The following MAGI2 variants were observed in gnomAD, a reference collection of about 807,000 sequenced individuals.
MAGI2 encodes the protein membrane-associated guanylate kinase, WW and PDZ domain-containing protein 2.
Under a neutral mutation model 133.3 loss-of-function variants are expected in MAGI2, and 35 were observed. The observed-to-expected ratio is 0.26, with a 90% CI of 0.20 to 0.35. MAGI2 has a LOEUF of 0.35. Ranked by LOEUF, MAGI2 falls within the 10% of genes least tolerant of loss-of-function variation. MAGI2 has a pLI of 1.00. For synonymous variants in MAGI2, 729 were observed against 710.6 expected (o/e 1.03, Z -0.41); for missense variants, 1,636 against 1,863.4 (o/e 0.88, Z 2.25).
chr7:78,672,743 T>C (rs1458465565), intron 2 of MAGI2, among the ~76,000 whole-genome samples: 2 of 152,212 alleles, frequency 1.3e-5, no homozygotes, highest in Non-Finnish European at 2.9e-5. Flanking sequence ...ATCCTGGGGC[T>C]GTTGAATCAG....
At chr7:79,015,539 C>G (rs1245127601) in intron 1 of MAGI2, among the ~76,000 whole-genome samples, 1 of 152,082 alleles carries the variant, frequency 6.6e-6, no homozygotes, top group Non-Finnish European at 1.5e-5. Flanking sequence ...AAATCTCATT[C>G]CAAACAACAG....
intron 1 of MAGI2, among the ~76,000 whole-genome samples, chr7:79,066,483 T>G (rs1044446347): frequency 6.6e-6 from 1 of 152,138 alleles, no homozygotes; most frequent in African/African-American, 2.4e-5. Flanking sequence ...TTCAGATGGA[T>G]AGATTGCAAA....
chr7:78,898,357 T>A (rs1797365628), intron 2 of MAGI2, among the ~76,000 whole-genome samples: 1 of 152,194 alleles, frequency 6.6e-6, no homozygotes, highest in Non-Finnish European at 1.5e-5. Flanking sequence ...TGCATGCATA[T>A]GTTCACTGCA....
intron 20 of MAGI2, among the ~76,000 whole-genome samples, chr7:78,099,412 C>G (rs916765873): frequency 6.6e-6 from 1 of 152,110 alleles, no homozygotes; most frequent in Non-Finnish European, 1.5e-5. Context: ...ATTGCCTATT[C>G]CAGCCTATTC....
chr7:78,742,421 C>A (rs898463012), intron 2 of MAGI2, among the ~76,000 whole-genome samples: 12 of 152,266 alleles, frequency 7.9e-5, no homozygotes, highest in African/African-American at 2.9e-4. Context: ...AATCCTTCCT[C>A]CTTGCCAAAT....
At chr7:79,451,236 T>C (rs908067115) in intron 1 of MAGI2, among the ~76,000 whole-genome samples, 2 of 152,184 alleles carry the variant, frequency 1.3e-5, no homozygotes, top group African/African-American at 4.8e-5. Flanking sequence ...GGGACTCTAT[T>C]AAGTCCAATT....
intron 1 of MAGI2, among the ~76,000 whole-genome samples, chr7:79,268,217 A>T (rs1056647225): frequency 6.6e-6 from 1 of 152,178 alleles, no homozygotes; most frequent in Non-Finnish European, 1.5e-5. Flanking sequence ...AACACTCAGC[A>T]TGCCAGAATG....
intron 4 of MAGI2, among the ~76,000 whole-genome samples, chr7:78,504,202 T>C (rs1255191512): frequency 6.6e-6 from 1 of 152,142 alleles, no homozygotes; most frequent in Non-Finnish European, 1.5e-5. Flanking sequence ...CTGTCATCAG[T>C]AGGCACTTCA....
In MAGI2 at chr7:78,449,433, A is replaced by G. The variant is rs116365131; in HGVS notation, c.1045+40328T>C. ...TGTGCCATTCCATAAAAGGAAAAACAGCATGTCTCAACAGAAAGGGCAAAC... is the reference window on the plus strand; with the variant it reads ...TGTGCCATTCCATAAAAGGAAAAACGGCATGTCTCAACAGAAAGGGCAAAC... On this transcript the variant is annotated intron_variant, in intron 6 of 21. Transcript: ENST00000354212. 4.1e-3 allele frequency among the ~76,000 whole-genome samples: 626 copies of G among 152,238 alleles called. 6 individuals are homozygous for G. Among genetic ancestry groups the G allele is most frequent in the African/African-American group, 0.014 (588 of 41,554 alleles).
chr7:78,849,797 T>C (rs2151478571), intron 2 of MAGI2, among the ~76,000 whole-genome samples: 1 of 152,168 alleles, frequency 6.6e-6, no homozygotes, highest in South Asian at 2.1e-4. Flanking sequence ...GGGAGTGGTA[T>C]ATAGACATGG....
intron 7 of MAGI2, among the ~76,000 whole-genome samples, chr7:78,354,911 A>G (rs1357323121): frequency 1.3e-5 from 2 of 152,178 alleles, no homozygotes; most frequent in Admixed American, 1.3e-4. Context: ...CAATTCTGTT[A>G]GGTAAGGACT....
At chr7:79,051,205 A>G (rs1812640633) in intron 1 of MAGI2, among the ~76,000 whole-genome samples, 1 of 152,154 alleles carries the variant, frequency 6.6e-6, no homozygotes, top group African/African-American at 2.4e-5. Context: ...AATCTAGGGG[A>G]AAATCCTATT....
At chr7:79,061,193 T>C (rs11771071) in intron 1 of MAGI2, among the ~76,000 whole-genome samples, 108,033 of 151,950 alleles carry the variant, frequency 0.71, 40,976 homozygotes, top group Non-Finnish European at 0.85. Context: ...CAGGAAGATG[T>C]TCCTGAGCAT....
chr7:79,302,806 G>A (rs1157330353), intron 1 of MAGI2, among the ~76,000 whole-genome samples: 1 of 152,102 alleles, frequency 6.6e-6, no homozygotes, highest in African/African-American at 2.4e-5. Context: ...TAAAAACATG[G>A]CTACACTACT....
intron 1 of MAGI2, among the ~76,000 whole-genome samples, chr7:79,240,856 T>A (rs1832344808): frequency 6.6e-6 from 1 of 152,176 alleles, no homozygotes; most frequent in African/African-American, 2.4e-5. Flanking sequence ...CTATATCTCT[T>A]CTTAGGCAGG....
At chr7:79,166,566 C>T (rs543198972) in intron 1 of MAGI2, among the ~76,000 whole-genome samples, 1 of 152,138 alleles carries the variant, frequency 6.6e-6, no homozygotes, top group East Asian at 1.9e-4. Flanking sequence ...TTTATATTGT[C>T]TTAATGTGGT....
intron 10 of MAGI2, among the ~76,000 whole-genome samples, chr7:78,216,731 G>C (rs947521608): frequency 3.9e-5 from 6 of 152,170 alleles, no homozygotes; most frequent in African/African-American, 1.4e-4. Flanking sequence ...CCCGATAGAG[G>C]CTCTCATAGC....
At chr7:78,875,439 A>G (rs1795343641) in intron 2 of MAGI2, among the ~76,000 whole-genome samples, 14 of 152,300 alleles carry the variant, frequency 9.2e-5, no homozygotes, top group South Asian at 2.1e-4. Context: ...CTGAAAATAA[A>G]CTACACAGGC....
At chr7:78,069,807 C>G (rs940269085) in intron 21 of MAGI2, among the ~76,000 whole-genome samples, 1 of 151,930 alleles carries the variant, frequency 6.6e-6, no homozygotes, top group Non-Finnish European at 1.5e-5. Flanking sequence ...CTCCTGGACT[C>G]TTAGGGAAAG....
Sources: gnomAD v4.1 joint callset for allele counts (sites outside exome capture counted in the v4.1 genomes callset) on GRCh38, gnomAD v4.1.1 for gene constraint, MANE v1.5 for transcripts, NCBI Gene and HGNC (gene_info 2026-07-23, HGNC 2026-07-21) for gene names.